Variants in CPA6 observed in about 807,000 individuals in gnomAD.
The protein encoded by CPA6 is carboxypeptidase B.
A neutral mutation model predicts 63.3 loss-of-function variants in CPA6; 58 were observed. The observed-to-expected ratio is 0.92, with a 90% CI of 0.74 to 1.14. The LOEUF is 1.14. Ranked by LOEUF, CPA6 falls within the 50% of genes most tolerant of loss-of-function variation. The pLI is 0.00. For synonymous variants in CPA6, 185 were observed against 179.0 expected, an observed-to-expected ratio of 1.03 and a Z score of -0.27; for missense variants, 565 against 526.6, an observed-to-expected ratio of 1.07 and a Z score of -0.71.
intron 3 of CPA6, among the ~76,000 whole-genome samples, chr8:67,513,313 T>A (rs1587508885): frequency 6.6e-6 from 1 of 152,288 alleles, no homozygotes; most frequent in East Asian, 1.9e-4. Context: ...CCATGTCAAT[T>A]TTCTAACTTC....
At chr8:67,478,561 T>C (rs1177825589) in intron 8 of CPA6, among the ~76,000 whole-genome samples, 1 of 152,144 alleles carries the variant, frequency 6.6e-6, no homozygotes, top group Non-Finnish European at 1.5e-5. Context: ...AGAATTGAAT[T>C]GAATTATAAG....
chr8:67,651,948 T>A (rs1209488357), intron 1 of CPA6, among the ~76,000 whole-genome samples: 1 of 151,912 alleles, frequency 6.6e-6, no homozygotes, highest in East Asian at 1.9e-4. Context: ...TGTGTCCATG[T>A]GTTCTCATTG....
At chr8:67,558,644 G>A (rs1157082011) in intron 2 of CPA6, among the ~76,000 whole-genome samples, 2 of 152,162 alleles carry the variant, frequency 1.3e-5, no homozygotes, top group East Asian at 3.9e-4. Context: ...TAAGTCATCT[G>A]GGGAAAAGGG....
At chr8:67,585,880 G>T (rs1358456252) in intron 2 of CPA6, among the ~76,000 whole-genome samples, 1 of 152,108 alleles carries the variant, frequency 6.6e-6, no homozygotes, top group East Asian at 1.9e-4. Context: ...AGGTTAGTCT[G>T]ATTTGCTAGA....
chr8:67,743,865 T>G (rs1034773543), intron 1 of CPA6, among the ~76,000 whole-genome samples: 2 of 152,274 alleles, frequency 1.3e-5, no homozygotes, highest in Middle Eastern at 3.4e-3. Flanking sequence ...TATTTTTACA[T>G]GAATGCAAGA....
chr8:67,448,011 C>T (rs186007845), intron 8 of CPA6, among the ~76,000 whole-genome samples: 12 of 152,260 alleles, frequency 7.9e-5, no homozygotes, highest in African/African-American at 2.9e-4. Flanking sequence ...TCTCGAACTC[C>T]CAAGCTCAGG....
chr8:67,585,926 A>G (rs921803833), intron 2 of CPA6, among the ~76,000 whole-genome samples: 1 of 150,726 alleles, frequency 6.6e-6, no homozygotes, highest in African/African-American at 2.5e-5. Context: ...GTAGTGTTTG[A>G]AGGCCTCAGT....
chr8:67,663,675 A>G (rs1587683518), intron 1 of CPA6, among the ~76,000 whole-genome samples: 1 of 152,124 alleles, frequency 6.6e-6, no homozygotes, highest in Admixed American at 6.5e-5. Flanking sequence ...TTCCAGCTCC[A>G]TCAATATTCT....
chr8:67,529,083 A>G (rs1052772799), intron 2 of CPA6, among the ~76,000 whole-genome samples: 1 of 151,976 alleles, frequency 6.6e-6, no homozygotes, highest in Non-Finnish European at 1.5e-5. Context: ...GAGAGTTGTA[A>G]GTACAGAAGT....
intron 1 of CPA6, among the ~76,000 whole-genome samples, chr8:67,706,208 C>A (rs1045545859): frequency 6.6e-6 from 1 of 152,190 alleles, no homozygotes; most frequent in Non-Finnish European, 1.5e-5. Context: ...GTACAACTTG[C>A]CTGCTTTAAA....
At position 67,497,823 on chromosome 8, in the gene CPA6, C is replaced by T. The variant is rs187079298; in HGVS notation, c.636+8964G>A. 2.9e-3 allele frequency among the ~76,000 whole-genome samples: 435 copies of T among 152,094 alleles called. 1 individual carries two copies. The highest frequency in any genetic ancestry group is 9.8e-3 in the African/African-American group (407 of 41,494). On this transcript the variant is annotated intron_variant, in intron 6 of 10. Transcript: ENST00000297770. ...GCTCCTGCCTCAGCCTCCCGAATAG[C>T]TGGGATTACAGGCATGCACCACCAT...
intron 3 of CPA6, among the ~76,000 whole-genome samples, chr8:67,516,889 G>A (rs1186941230): frequency 2.0e-5 from 3 of 151,872 alleles, no homozygotes; most frequent in Non-Finnish European, 1.5e-5. Flanking sequence ...CTCTGCCTCC[G>A]GGGTTCAAGT....
intron 8 of CPA6, among the ~76,000 whole-genome samples, chr8:67,467,771 G>C (rs1358192142): frequency 6.6e-6 from 1 of 152,000 alleles, no homozygotes; most frequent in African/African-American, 2.4e-5. Flanking sequence ...TGGAGGCCGA[G>C]GGGGGCAAAT....
intron 2 of CPA6, among the ~76,000 whole-genome samples, chr8:67,582,599 G>A (rs1391629840): frequency 1.3e-5 from 2 of 152,176 alleles, no homozygotes; most frequent in African/African-American, 4.8e-5. Flanking sequence ...GCACCAAGAA[G>A]TGAGCTGAAG....
chr8:67,603,595 T>C (rs925886484), intron 2 of CPA6, among the ~76,000 whole-genome samples: 20 of 152,316 alleles, frequency 1.3e-4, no homozygotes, highest in Non-Finnish European at 2.6e-4. Context: ...CTTTGAATAG[T>C]ATTGGGAACC....
At chr8:67,715,206 G>A (rs937854489) in intron 1 of CPA6, among the ~76,000 whole-genome samples, 2 of 152,150 alleles carry the variant, frequency 1.3e-5, no homozygotes, top group African/African-American at 4.8e-5. Flanking sequence ...CCCTGCCACA[G>A]GTTAAGGGCT....
At chr8:67,437,931 G>A (rs1810199118) in intron 8 of CPA6, among the ~76,000 whole-genome samples, 1 of 151,840 alleles carries the variant, frequency 6.6e-6, no homozygotes, top group African/African-American at 2.4e-5. Flanking sequence ...TGGGGGGTGG[G>A]GGGTGATGGA....
intron 1 of CPA6, among the ~76,000 whole-genome samples, chr8:67,740,616 C>T (rs962045155): frequency 2.0e-5 from 3 of 152,180 alleles, no homozygotes; most frequent in African/African-American, 4.8e-5. Context: ...GATGCCCAGA[C>T]TGGAGTGCAA....
At chr8:67,489,432 A>G (rs764901535) in intron 6 of CPA6, among the ~76,000 whole-genome samples, 2 of 152,224 alleles carry the variant, frequency 1.3e-5, no homozygotes, top group Non-Finnish European at 2.9e-5. Flanking sequence ...TTTTGTTATC[A>G]TTCAGTTCTA....
Sources: allele counts gnomAD v4.1 joint callset (sites outside exome capture counted in the v4.1 genomes callset), GRCh38; gene constraint gnomAD v4.1.1; transcripts MANE v1.5; gene names NCBI Gene and HGNC (gene_info 2026-07-23, HGNC 2026-07-21).